The following MARCHF5 variants were observed in gnomAD, a reference collection of about 807,000 sequenced individuals.
The protein encoded by MARCHF5 is membrane associated ring-CH-type finger 5.
In MARCHF5, 5 loss-of-function variants were observed where a neutral mutation model predicts 36.5. The ratio of observed to expected loss-of-function variants is 0.14; its 90% CI spans 0.07 to 0.29. The LOEUF (loss-of-function observed/expected upper bound fraction) is 0.29. MARCHF5 is among the 10% of genes least tolerant of loss of function. The pLI, the probability that MARCHF5 is intolerant of heterozygous loss-of-function variation, is 1.00. For synonymous variants in MARCHF5, 103 were observed against 109.9 expected, an observed-to-expected ratio of 0.94 and a Z score of 0.39; for missense variants, 179 against 336.3, an observed-to-expected ratio of 0.53 and a Z score of 3.66.
intron 2 of MARCHF5, among the ~76,000 whole-genome samples, chr10:92,315,543 G>C (rs188092726): frequency 6.6e-6 from 1 of 152,172 alleles, no homozygotes; most frequent in African/African-American, 2.4e-5. Context: ...GTGGCTTCTT[G>C]TCCCTATTTA....
Position 92,349,713 on chromosome 10 carries a change from C to G in MARCHF5, c.596C>G (p.Pro199Arg). ...CCTCGAATTCCAGCTGAGGCCAATCCTTTAGCAGATCATGTCTCTGCTACT... is the reference window on the plus strand; with the variant it reads ...CCTCGAATTCCAGCTGAGGCCAATCGTTTAGCAGATCATGTCTCTGCTACT... ...PVPRIPAEANPLADHVSATRI... is the reference protein window; with the variant it reads ...PVPRIPAEANRLADHVSATRI... The change falls in exon 5 of 6, where the codon CCT becomes CGT. Residue 199 changes from proline (P) to arginine (R), a missense_variant. Around this residue, in one of 3 missense-constraint regions of MARCHF5, gnomAD observed 95 missense variants for 139.5 expected, o/e 0.68. Transcript: ENST00000358935. 1 of 1,614,150 alleles carries G rather than the reference C, an allele frequency of 6.2e-7. No homozygotes were observed. The highest frequency in any genetic ancestry group is 2.2e-5 in the East Asian group (1 of 44,882).
chr10:92,328,088 A>G (rs1564950022), intron 2 of MARCHF5, among the ~76,000 whole-genome samples: 2 of 152,296 alleles, frequency 1.3e-5, no homozygotes, highest in South Asian at 4.1e-4. Context: ...GGGATATTAT[A>G]CAAAATACCT....
chr10:92,350,654 G>T (rs998078982), intron 5 of MARCHF5, among the ~76,000 whole-genome samples: 1 of 152,202 alleles, frequency 6.6e-6, no homozygotes, highest in Non-Finnish European at 1.5e-5. Context: ...CCCTTTGGTG[G>T]CAGGCTCAGT....
At chr10:92,308,408 A>G (rs1403891954) in intron 1 of MARCHF5, 1 of 152,164 alleles carries the variant, frequency 6.6e-6, no homozygotes, top group African/African-American at 2.4e-5. Flanking sequence ...CTGTTTTATC[A>G]GCAGTATCTT....
intron 1 of MARCHF5, among the ~76,000 whole-genome samples, chr10:92,310,659 T>TC (rs1180755193): frequency 6.6e-6 from 1 of 152,194 alleles, no homozygotes; most frequent in Non-Finnish European, 1.5e-5. Context: ...GGTTTTTTTT[T>TC]CCTCAGCTGA....
chr10:92,342,019 G>A (rs1843586215), intron 3 of MARCHF5, among the ~76,000 whole-genome samples: 1 of 151,624 alleles, frequency 6.6e-6, no homozygotes, highest in South Asian at 2.1e-4. Flanking sequence ...AAACTCCTGG[G>A]CTCAAGTGAT....
At chr10:92,327,323 A>G (rs1430674084) in intron 2 of MARCHF5, among the ~76,000 whole-genome samples, 1 of 125,060 alleles carries the variant, frequency 8.0e-6, no homozygotes, top group African/African-American at 3.2e-5. Context: ...TTTTTTTTCT[A>G]TTAAAAGTAG....
chr10:92,321,673 G>A (rs1330971769), intron 2 of MARCHF5, among the ~76,000 whole-genome samples: 1 of 151,910 alleles, frequency 6.6e-6, no homozygotes, highest in Non-Finnish European at 1.5e-5. Context: ...ATTTGGTCCT[G>A]GGCTTTTCTT....
At chr10:92,328,473 T>C (rs1325703622) in intron 2 of MARCHF5, among the ~76,000 whole-genome samples, 1 of 151,596 alleles carries the variant, frequency 6.6e-6, no homozygotes, top group Non-Finnish European at 1.5e-5. Context: ...CTGATATAGC[T>C]GGATTTTTAT....
intron 2 of MARCHF5, among the ~76,000 whole-genome samples, chr10:92,323,050 T>G (rs1351267797): frequency 5.3e-5 from 8 of 151,962 alleles, no homozygotes; most frequent in African/African-American, 1.9e-4. Flanking sequence ...TTCTTTATTC[T>G]TTTTCAGTCT....
chr10:92,295,745 G>T (rs1842943116), intron 1 of MARCHF5, among the ~76,000 whole-genome samples: 1 of 151,376 alleles, frequency 6.6e-6, no homozygotes, highest in African/African-American at 2.4e-5. Context: ...GAATTCCCTT[G>T]TCCTTTGCAA....
chr10:92,320,505 C>T (rs1431811428), intron 2 of MARCHF5, among the ~76,000 whole-genome samples: 2 of 151,872 alleles, frequency 1.3e-5, no homozygotes, highest in Non-Finnish European at 2.9e-5. Flanking sequence ...CCCTGAAGAC[C>T]TTCTAGTGGG....
chr10:92,295,610 G>A (rs1474614967), intron 1 of MARCHF5, among the ~76,000 whole-genome samples: 7 of 151,198 alleles, frequency 4.6e-5, no homozygotes, highest in East Asian at 3.9e-4. Flanking sequence ...GGGTTTCACC[G>A]TGTTAGCCAG....
intron 2 of MARCHF5, among the ~76,000 whole-genome samples, chr10:92,318,022 A>T (rs1000865562): frequency 7.3e-5 from 11 of 151,452 alleles, no homozygotes; most frequent in African/African-American, 2.7e-4. Context: ...AAGTGCTGGG[A>T]TTACAGGTGT....
chr10:92,323,116 A>G (rs1018115779), intron 2 of MARCHF5, among the ~76,000 whole-genome samples: 1 of 152,072 alleles, frequency 6.6e-6, no homozygotes, highest in East Asian at 1.9e-4. Context: ...GTCATAGTAC[A>G]CTGCAGCCTT....
chr10:92,331,899 TCA>T (rs1843439933), intron 2 of MARCHF5, among the ~76,000 whole-genome samples: 1 of 146,748 alleles, frequency 6.8e-6, no homozygotes, highest in Non-Finnish European at 1.5e-5. Context: ...GTATATATAA[TCA>T]TATATATGTA....
chr10:92,352,407 T>C lies in MARCHF5; in HGVS notation c.*1200T>C, dbSNP rs980686330. The C allele has an allele frequency of 2.0e-5, 3 of 152,234 alleles. No homozygotes were observed. The highest frequency in any genetic ancestry group is 4.8e-5 in the African/African-American group (2 of 41,468). The allele number at this position is 152,234 out of a possible 1,614,324, so 9.4% of individuals were successfully genotyped here. On this transcript the variant is annotated 3_prime_UTR_variant, in exon 6 of 6. Coordinates refer to ENST00000358935, the MANE Select transcript of MARCHF5 (RefSeq NM_017824.5). ...ATTTTAATTGTCCTATTGATGAGGC[T>C]AGCACCTTAATCACTGTTTAGTTTT...
chr10:92,296,264 G>A (rs1842948111), intron 1 of MARCHF5, among the ~76,000 whole-genome samples: 1 of 152,080 alleles, frequency 6.6e-6, no homozygotes, highest in Non-Finnish European at 1.5e-5. Context: ...TTAAGTTGTT[G>A]TGGGGAAACA....
In MARCHF5 at chr10:92,291,482, G is replaced by A. The variant is rs1379208131; in HGVS notation, c.-13G>A. On this transcript the variant is annotated 5_prime_UTR_variant, in exon 1 of 6. Transcript: ENST00000358935. ...TCCACTGGGGAAGGCCGTGTGCGCC[G>A]GCTCCGCGGAAGATGCCGGACCAAG... 1.9e-6 allele frequency: 3 copies of A among 1,547,860 alleles called. No individual in the cohort carries two copies. Among genetic ancestry groups the A allele is most frequent in the Middle Eastern group, 3.4e-4 (2 of 5,810 alleles).
Sources: allele counts gnomAD v4.1 joint callset (sites outside exome capture counted in the v4.1 genomes callset), GRCh38; gene constraint gnomAD v4.1.1; regional missense constraint gnomAD v4.1.1; transcripts MANE v1.5; gene names NCBI Gene and HGNC (gene_info 2026-07-23, HGNC 2026-07-21).